Variants in IQCM observed in about 807,000 individuals in gnomAD.
The protein encoded by IQCM is IQ motif containing M, also known as IQ domain-containing protein M.
Under a neutral mutation model 57.6 loss-of-function variants are expected in IQCM, and 45 were observed. That is an observed-to-expected ratio of 0.78 (90% confidence interval 0.62 to 1.00). IQCM has a LOEUF of 1.00. IQCM is among the 50% of genes least tolerant of loss of function. The probability of loss-of-function intolerance (pLI) is 0.00; values close to 1 mark genes in which losing one functional copy is unlikely to be tolerated. For missense variants in IQCM, 468 were observed against 511.6 expected (o/e 0.91, Z 0.82); for synonymous variants, 148 against 158.9 (o/e 0.93, Z 0.51).
chr4:149,624,147 AGTGT>A (rs34626095), intron 7 of IQCM, among the ~76,000 whole-genome samples: 14 of 144,558 alleles, frequency 9.7e-5, no homozygotes, highest in Non-Finnish European at 1.8e-4. Flanking sequence ...ATGTGCCCCA[AGTGT>A]GTGTGTGTGT....
At chr4:149,438,682 G>GGAAATGTGAATCCAAAGCAA (rs1735614223) in intron 12 of IQCM, among the ~76,000 whole-genome samples, 1 of 151,968 alleles carries the variant, frequency 6.6e-6, no homozygotes, top group African/African-American at 2.4e-5. Context: ...TCTTGAGCAA[G>GGAAATGTGAATCCAAAGCAA]GAAATGTGAA....
At chr4:149,590,295 C>T (rs1753030246) in intron 8 of IQCM, among the ~76,000 whole-genome samples, 1 of 93,770 alleles carries the variant, frequency 1.1e-5, no homozygotes, top group Admixed American at 1.5e-4. Context: ...AAGTAAATAT[C>T]GCCTTTGTTA....
intron 13 of IQCM, among the ~76,000 whole-genome samples, chr4:149,425,256 C>A (rs1440460921): frequency 6.6e-6 from 1 of 151,878 alleles, no homozygotes; most frequent in Non-Finnish European, 1.5e-5. Context: ...TCCAGAGGAA[C>A]AGATCCAATA....
chr4:149,384,517 GT>G (rs1731284888), intron 13 of IQCM, among the ~76,000 whole-genome samples: 1 of 151,968 alleles, frequency 6.6e-6, no homozygotes, highest in South Asian at 2.1e-4. Context: ...CTTTACATTA[GT>G]TTTTCCATAT....
chr4:149,490,697 T>C (rs1742000785), intron 12 of IQCM, among the ~76,000 whole-genome samples: 1 of 152,130 alleles, frequency 6.6e-6, no homozygotes, highest in Non-Finnish European at 1.5e-5. Context: ...AGGACTCATA[T>C]GTATAACAGC....
intron 5 of IQCM, among the ~76,000 whole-genome samples, chr4:149,697,998 T>C (rs1763465580): frequency 6.6e-6 from 1 of 152,234 alleles, no homozygotes; most frequent in East Asian, 1.9e-4. Flanking sequence ...AAATAATTTA[T>C]TAGTGTGTTT....
chr4:149,414,872 G>C (rs1446751334), intron 13 of IQCM, among the ~76,000 whole-genome samples: 2 of 151,968 alleles, frequency 1.3e-5, no homozygotes, highest in Non-Finnish European at 2.9e-5. Flanking sequence ...ATAAGTCACA[G>C]AGAAAAAATA....
At chr4:149,556,109 G>A (rs760934017) in intron 10 of IQCM, among the ~76,000 whole-genome samples, 3 of 152,042 alleles carry the variant, frequency 2.0e-5, no homozygotes, top group Non-Finnish European at 2.9e-5. Context: ...ATTTCTCAAG[G>A]TAGAATTTAT....
At chr4:149,721,808 C>A (rs1233301329) in intron 5 of IQCM, among the ~76,000 whole-genome samples, 1 of 152,082 alleles carries the variant, frequency 6.6e-6, no homozygotes, top group East Asian at 1.9e-4. Flanking sequence ...CGTAGATACC[C>A]AGTAGTGAAA....
intron 2 of IQCM, among the ~76,000 whole-genome samples, chr4:149,795,800 T>A (rs1367993879): frequency 1.3e-5 from 2 of 152,150 alleles, no homozygotes; most frequent in Non-Finnish European, 2.9e-5. Flanking sequence ...AGCTCCTGGA[T>A]GACACTTCTA....
chr4:149,678,561 A>G (rs1429309495), intron 7 of IQCM, among the ~76,000 whole-genome samples: 2 of 151,822 alleles, frequency 1.3e-5, no homozygotes, highest in Non-Finnish European at 2.9e-5. Flanking sequence ...AGAAAGAGAC[A>G]CTAATGTGTT....
intron 2 of IQCM, among the ~76,000 whole-genome samples, chr4:149,771,835 C>A (rs1770613007): frequency 6.6e-6 from 1 of 152,036 alleles, no homozygotes; most frequent in Non-Finnish European, 1.5e-5. Context: ...TAAAATAGAT[C>A]ATACTAACAG....
intron 13 of IQCM, among the ~76,000 whole-genome samples, chr4:149,392,464 A>G (rs1293906372): frequency 5.9e-5 from 9 of 152,068 alleles, no homozygotes; most frequent in Admixed American, 5.9e-4. Flanking sequence ...AATGGACTAG[A>G]TTAAAATCTG....
At chr4:149,767,487 A>AT (rs1770167227) in intron 2 of IQCM, among the ~76,000 whole-genome samples, 1 of 152,096 alleles carries the variant, frequency 6.6e-6, no homozygotes, top group Non-Finnish European at 1.5e-5. Context: ...AATTTGGTTC[A>AT]TTCTTGCTGT....
At chr4:149,610,515 A>G (rs1261450639) in intron 8 of IQCM, among the ~76,000 whole-genome samples, 1 of 152,126 alleles carries the variant, frequency 6.6e-6, no homozygotes, top group Non-Finnish European at 1.5e-5. Context: ...TGATAGTGGC[A>G]TAAAAACAAA....
chr4:149,571,437 G>A (rs1751150879), intron 9 of IQCM, among the ~76,000 whole-genome samples: 1 of 152,058 alleles, frequency 6.6e-6, no homozygotes, highest in South Asian at 2.1e-4. Context: ...AATCTAAAAT[G>A]TTGATCTCAC....
At chr4:149,595,630 C>G (rs1015915228) in intron 8 of IQCM, among the ~76,000 whole-genome samples, 6 of 152,244 alleles carry the variant, frequency 3.9e-5, no homozygotes, top group African/African-American at 1.4e-4. Flanking sequence ...TATGCTGCTA[C>G]TAATACGATT....
At chr4:149,518,788 G>C (rs1745268348) in intron 12 of IQCM, among the ~76,000 whole-genome samples, 1 of 152,194 alleles carries the variant, frequency 6.6e-6, no homozygotes, top group Admixed American at 6.5e-5. Flanking sequence ...CAGGGAGAGA[G>C]AGAGAGAAAT....
At chr4:149,369,210 A>G (rs912851098) in intron 13 of IQCM, among the ~76,000 whole-genome samples, 1 of 150,678 alleles carries the variant, frequency 6.6e-6, no homozygotes, top group African/African-American at 2.4e-5. Context: ...ATGCCTGTCT[A>G]ATTTTTGTAT....
Sources: gnomAD v4.1 joint callset for allele counts (sites outside exome capture counted in the v4.1 genomes callset) on GRCh38, gnomAD v4.1.1 for gene constraint, MANE v1.5 for transcripts, NCBI Gene and HGNC (gene_info 2026-07-23, HGNC 2026-07-21) for gene names.